The following TTC28 variants were observed in gnomAD, a reference collection of about 807,000 sequenced individuals.
The protein encoded by TTC28 is tetratricopeptide repeat protein 28.
Under a neutral mutation model 198.0 loss-of-function variants are expected in TTC28, and 61 were observed. That is an observed-to-expected ratio of 0.31 (90% CI 0.25 to 0.38). TTC28 has a LOEUF of 0.38. TTC28 is among the 10% of genes least tolerant of loss of function. TTC28 has a pLI of 1.00. For synonymous variants in TTC28, 1,171 were observed against 1,297.8 expected (o/e 0.90, Z 2.10); for missense variants, 2,678 against 3,164.0 (o/e 0.85, Z 3.69).
intron 5 of TTC28, among the ~76,000 whole-genome samples, chr22:28,216,740 G>C (rs1366136434): frequency 6.6e-6 from 1 of 151,990 alleles, no homozygotes; most frequent in Non-Finnish European, 1.5e-5. Flanking sequence ...AAATTTTTTA[G>C]AGACACAGTC....
At position 28,107,084 on chromosome 22, in the gene TTC28, G is replaced by C. The variant is rs187276281; in HGVS notation, c.2761C>G (p.Arg921Gly). The change falls in exon 7 of 23, where the codon CGG (arginine) becomes GGG (glycine). Residue 921 changes from arginine (R) to glycine (G), a missense_variant. By Grantham distance (125) the Arg-to-Gly change is moderately radical. This residue lies in a region of TTC28 where 775 missense variants were observed against 845.9 expected (regional missense o/e 0.92). Transcript: ENST00000397906. Reference protein sequence around the residue: ...NRMQDQAKAYRGLGNGHRAMG... With the variant: ...NRMQDQAKAYGGLGNGHRAMG... The stretch of plus-strand genomic sequence containing the variant: ...TACCTGTGTCCATTTCCCAGGCCCC[G>C]GTAAGCCTTGGCTTGGTCTTGCATG... The C allele has an allele frequency of 6.5e-7, 1 of 1,549,416 alleles. No individual in the cohort carries two copies. The highest frequency in any genetic ancestry group is 1.4e-5 in the African/African-American group (1 of 73,132).
At chr22:28,654,075 C>T (rs2051606322) in intron 1 of TTC28, among the ~76,000 whole-genome samples, 1 of 152,112 alleles carries the variant, frequency 6.6e-6, no homozygotes, top group Non-Finnish European at 1.5e-5. Flanking sequence ...TAGATGAGGA[C>T]ATTATAAAGG....
intron 2 of TTC28, among the ~76,000 whole-genome samples, chr22:28,450,955 A>C (rs2047769648): frequency 6.6e-6 from 1 of 152,214 alleles, no homozygotes; most frequent in East Asian, 1.9e-4. Flanking sequence ...AAGGGATCCC[A>C]AACAGAGCAC....
chr22:28,049,411 T>C (rs988055325), intron 12 of TTC28, among the ~76,000 whole-genome samples: 1 of 152,202 alleles, frequency 6.6e-6, no homozygotes, highest in Non-Finnish European at 1.5e-5. Context: ...TTTTAGAACC[T>C]TAAACTTTCT....
chr22:28,647,524 GA>G (rs1268878887), intron 1 of TTC28, among the ~76,000 whole-genome samples: 1 of 152,044 alleles, frequency 6.6e-6, no homozygotes, highest in Non-Finnish European at 1.5e-5. Flanking sequence ...AAATCATCAA[GA>G]AAAACACAAT....
chr22:28,412,219 GC>G (rs1337058518), intron 2 of TTC28, among the ~76,000 whole-genome samples: 1 of 152,202 alleles, frequency 6.6e-6, no homozygotes, highest in African/African-American at 2.4e-5. Flanking sequence ...GATGGCCACA[GC>G]CTTTGTCACT....
chr22:28,216,958 C>T (rs1226413370), intron 5 of TTC28, among the ~76,000 whole-genome samples: 2 of 152,030 alleles, frequency 1.3e-5, no homozygotes, highest in Non-Finnish European at 2.9e-5. Context: ...CTCAAGCGAT[C>T]GTCCTTCCTC....
chr22:28,463,524 C>A (rs1219716257), intron 2 of TTC28, among the ~76,000 whole-genome samples: 3 of 152,122 alleles, frequency 2.0e-5, no homozygotes, highest in Admixed American at 1.3e-4. Context: ...AAATGCCCAA[C>A]AATGATAGAC....
At chr22:28,343,261 G>A (rs2045859947) in intron 2 of TTC28, among the ~76,000 whole-genome samples, 1 of 152,186 alleles carries the variant, frequency 6.6e-6, no homozygotes, top group Non-Finnish European at 1.5e-5. Context: ...CAGGCACAGT[G>A]GCTCATGCCT....
intron 6 of TTC28, among the ~76,000 whole-genome samples, chr22:28,161,425 G>A (rs895774409): frequency 1.3e-5 from 2 of 152,082 alleles, no homozygotes; most frequent in African/African-American, 2.4e-5. Context: ...CCATGGGCAG[G>A]TTGCTTGAGC....
At chr22:28,404,495 A>C (rs2046969678) in intron 2 of TTC28, among the ~76,000 whole-genome samples, 2 of 152,076 alleles carry the variant, frequency 1.3e-5, no homozygotes, top group African/African-American at 4.8e-5. Context: ...TTCTACACAC[A>C]CTTGTTATCC....
intron 5 of TTC28, among the ~76,000 whole-genome samples, chr22:28,262,816 T>G (rs545912882): frequency 1.3e-5 from 2 of 152,012 alleles, no homozygotes; most frequent in Non-Finnish European, 2.9e-5. Context: ...GCTTTCCTTA[T>G]GGGGAGAGGA....
chr22:28,354,750 C>T (rs936462435), intron 2 of TTC28, among the ~76,000 whole-genome samples: 1 of 152,150 alleles, frequency 6.6e-6, no homozygotes, highest in Non-Finnish European at 1.5e-5. Context: ...TGGCACATGA[C>T]TCAATGTTGC....
chr22:28,633,729 C>G (rs1416238933), intron 1 of TTC28, among the ~76,000 whole-genome samples: 1 of 152,152 alleles, frequency 6.6e-6, no homozygotes, highest in Non-Finnish European at 1.5e-5. Flanking sequence ...CCTCCATGTA[C>G]AGTAATATAA....
intron 2 of TTC28, among the ~76,000 whole-genome samples, chr22:28,325,609 T>A (rs549569216): frequency 2.0e-5 from 3 of 152,204 alleles, no homozygotes; most frequent in African/African-American, 7.2e-5. Flanking sequence ...AGGATGTATA[T>A]CCTTTATATA....
At chr22:28,369,719 A>C (rs1382694745) in intron 2 of TTC28, among the ~76,000 whole-genome samples, 2 of 152,228 alleles carry the variant, frequency 1.3e-5, no homozygotes, top group Non-Finnish European at 2.9e-5. Flanking sequence ...AAATCTAGAG[A>C]ACAAGTTGAA....
chr22:28,333,492 A>G (rs981907137), intron 2 of TTC28, among the ~76,000 whole-genome samples: 3 of 152,166 alleles, frequency 2.0e-5, no homozygotes. Context: ...TCAAGCAATC[A>G]GGTAAGAACG....
rs556686435 is a variant in TTC28 at position 28,306,751 on chromosome 22, G to A, written c.382-108C>T. 33 of 1,220,608 alleles carry A rather than the reference G, an allele frequency of 2.7e-5. No homozygotes were observed. The African/African-American group carries it at 3.4e-4, about 13-fold the overall frequency. 75.6% of individuals were successfully genotyped at this position (1,220,608 alleles called of 1,614,324 possible). On this transcript the variant is annotated intron_variant, in intron 2 of 22. Coordinates refer to ENST00000397906, the MANE Select transcript of TTC28 (RefSeq NM_001145418.2). ...GCAGAACTAAGATTGAGATGTACTTGATTTAAAAACCTAGTGAACAGTTGG... is the reference window on the plus strand; with the variant it reads ...GCAGAACTAAGATTGAGATGTACTTAATTTAAAAACCTAGTGAACAGTTGG...
Position 28,458,685 on chromosome 22 carries a change from T to C in TTC28, c.382-152042A>G, listed in dbSNP as rs888850096. On this transcript the variant is annotated intron_variant, in intron 2 of 22. Coordinates refer to ENST00000397906, the MANE Select transcript of TTC28 (RefSeq NM_001145418.2). ...TCACGAGGTCAGGAGATTGAGACCA[T>C]CCTGGCTAACACGGTGAAACCCCAT... 2.8e-4 allele frequency among the ~76,000 whole-genome samples: 42 copies of C among 151,726 alleles called. 2 individuals are homozygous for C. The highest frequency in any genetic ancestry group is 9.7e-4 in the African/African-American group (40 of 41,380).
Sources: gnomAD v4.1 joint callset for allele counts (sites outside exome capture counted in the v4.1 genomes callset) on GRCh38, gnomAD v4.1.1 for gene constraint, gnomAD v4.1.1 regional missense constraint, MANE v1.5 for transcripts, NCBI Gene and HGNC (gene_info 2026-07-23, HGNC 2026-07-21) for gene names.